Variants in ANK1 observed in about 807,000 individuals in gnomAD.
The protein encoded by ANK1 is ankyrin-1.
ANK1 carries 51 observed loss-of-function variants against 210.4 expected under a neutral mutation model. That is an observed-to-expected ratio of 0.24 (90% CI 0.19 to 0.31). The LOEUF is 0.31. Ranked by LOEUF, ANK1 falls within the 10% of genes least tolerant of loss-of-function variation. ANK1 has a pLI of 1.00. For missense variants in ANK1, 2,051 were observed against 2,504.4 expected (o/e 0.82, Z 3.86); for synonymous variants, 967 against 1,025.9 (o/e 0.94, Z 1.10).
chr8:41,826,923 C>T (rs1452819313), intron 1 of ANK1, among the ~76,000 whole-genome samples: 2 of 152,196 alleles, frequency 1.3e-5, no homozygotes, highest in East Asian at 1.9e-4. Context: ...TTCTCCATCC[C>T]GTAAAGCCTT....
chr8:41,784,239 A>G (rs10086218), intron 1 of ANK1, among the ~76,000 whole-genome samples: 10,817 of 150,952 alleles, frequency 0.072, 490 homozygotes, highest in African/African-American at 0.12. Context: ...TCTCTACCCC[A>G]CTCTCTCACC....
At chr8:41,737,536 T>C (rs1345961150) in intron 2 of ANK1, among the ~76,000 whole-genome samples, 1 of 152,184 alleles carries the variant, frequency 6.6e-6, no homozygotes, top group Non-Finnish European at 1.5e-5. Flanking sequence ...ACCCTCGCCA[T>C]GCAAGGGGCC....
intron 1 of ANK1, among the ~76,000 whole-genome samples, chr8:41,831,698 G>A (rs77983722): frequency 0.012 from 1,891 of 151,460 alleles, 22 homozygotes; most frequent in East Asian, 0.028. Context: ...AGAAAAGGAA[G>A]GAAGGAAGGA....
At chr8:41,843,459 C>T (rs989833356) in intron 1 of ANK1, among the ~76,000 whole-genome samples, 1 of 137,842 alleles carries the variant, frequency 7.3e-6, no homozygotes, top group Non-Finnish European at 1.6e-5. Context: ...TTTCTGAATG[C>T]GTGTTTAAAG....
At chr8:41,725,667 G>A in intron 6 of ANK1, 94 bp downstream of exon 6, 3 of 1,515,430 alleles carry the variant, frequency 2.0e-6, no homozygotes, top group Non-Finnish European at 2.7e-6. Context: ...TGCACGCTCG[G>A]TTCTCCTGCC....
chr8:41,880,653 G>A (rs954266121), intron 1 of ANK1, among the ~76,000 whole-genome samples: 2 of 152,232 alleles, frequency 1.3e-5, no homozygotes, highest in Non-Finnish European at 2.9e-5. Context: ...CCTGAGCTGC[G>A]CGAGGCACAC....
chr8:41,731,524 A>C (rs1372284718), intron 3 of ANK1, among the ~76,000 whole-genome samples: 1 of 151,730 alleles, frequency 6.6e-6, no homozygotes, highest in East Asian at 1.9e-4. Flanking sequence ...TGCTTTTAAA[A>C]TTTCTAAGTA....
At chr8:41,790,604 C>A (rs1226487050) in intron 1 of ANK1, among the ~76,000 whole-genome samples, 1 of 152,028 alleles carries the variant, frequency 6.6e-6, no homozygotes, top group Non-Finnish European at 1.5e-5. Context: ...TCACTCCTGG[C>A]GTTTGCCTAA....
At chr8:41,688,089 C>T in intron 35 of ANK1, 67 bp downstream of exon 35, 1 of 1,523,080 alleles carries the variant, frequency 6.6e-7, no homozygotes, top group Non-Finnish European at 9.1e-7. Flanking sequence ...TCATTCATTG[C>T]TCATTACAGG....
chr8:41,805,788 G>GA (rs369421882), intron 1 of ANK1, among the ~76,000 whole-genome samples: 3 of 152,098 alleles, frequency 2.0e-5, no homozygotes, highest in African/African-American at 7.2e-5. Flanking sequence ...TCTGGCTTAA[G>GA]AAAAAAACAG....
At chr8:41,758,242 G>T in intron 1 of ANK1, 105 bp from the exon 2 acceptor site, 1 of 1,020,610 alleles carries the variant, frequency 9.8e-7, no homozygotes, top group Non-Finnish European at 1.5e-6. Context: ...CCTCTGATGT[G>T]GCACCCTGGT....
Position 41,749,449 on chromosome 8 carries a change from C to G in ANK1, c.129+8587G>C, listed in dbSNP as rs181006038. 3.8e-3 allele frequency among the ~76,000 whole-genome samples: 572 copies of G among 151,992 alleles called. 3 individuals carry two copies. Among genetic ancestry groups the G allele is most frequent in the African/African-American group, 0.013 (526 of 41,458 alleles). On this transcript the variant is annotated intron_variant, in intron 2 of 42. Coordinates refer to ENST00000289734, the MANE Select transcript of ANK1 (RefSeq NM_000037.4). The stretch of plus-strand genomic sequence containing the variant: ...AGTAGCTAGGACTGTAGGCACCCAC[C>G]ACCATGCCCGACTAATTTTTTATTT...
intron 1 of ANK1, among the ~76,000 whole-genome samples, chr8:41,785,727 C>T (rs528293087): frequency 7.2e-5 from 11 of 152,294 alleles, no homozygotes; most frequent in Non-Finnish European, 1.6e-4. Context: ...CAGGAGTTGC[C>T]GAATTGATCT....
chr8:41,684,833 A>T (rs1817246252), intron 36 of ANK1, 143 bp from the exon 37 acceptor site: 1 of 1,046,146 alleles, frequency 9.6e-7, no homozygotes, highest in South Asian at 1.4e-5. Flanking sequence ...ATTAGAGTCA[A>T]AACAAACTTC....
chr8:41,853,665 C>T (rs181166633), intron 1 of ANK1, among the ~76,000 whole-genome samples: 2 of 152,316 alleles, frequency 1.3e-5, no homozygotes, highest in East Asian at 1.9e-4. Flanking sequence ...CTACCCCCAC[C>T]GCCTTATAAC....
In ANK1 at chr8:41,689,974, G is replaced by T. The variant is rs535051825; in HGVS notation, c.4104+253C>A. ...AGCGTGAATGTGCCCATCACCATCTGATACCAACATTTGTTCTTCCTGTCC... is the reference window on the plus strand; with the variant it reads ...AGCGTGAATGTGCCCATCACCATCTTATACCAACATTTGTTCTTCCTGTCC... On this transcript the variant is annotated intron_variant, in intron 33 of 42. Coordinates refer to ENST00000289734, the MANE Select transcript of ANK1 (RefSeq NM_000037.4). Among the ~76,000 whole-genome samples, 13 of 152,306 alleles carry T rather than the reference G, an allele frequency of 8.5e-5. No homozygotes were observed. The South Asian group carries it at 2.7e-3, about 32-fold the overall frequency.
chr8:41,749,554 C>A (rs1837148190), intron 2 of ANK1, among the ~76,000 whole-genome samples: 2 of 8,178 alleles, frequency 2.4e-4, no homozygotes, highest in African/African-American at 1.1e-3. Flanking sequence ...GCCTCGGCCT[C>A]CCAAAGTGCT....
chr8:41,683,411 G>C (rs1347967165), intron 37 of ANK1, among the ~76,000 whole-genome samples: 1 of 152,090 alleles, frequency 6.6e-6, no homozygotes, highest in African/African-American at 2.4e-5. Context: ...TCAGCGAGCA[G>C]GGTCCCCTGG....
upstream of ANK1, among the ~76,000 whole-genome samples, chr8:41,801,531 G>A (rs1431420186): frequency 6.6e-6 from 1 of 152,146 alleles, no homozygotes; most frequent in African/African-American, 2.4e-5. Flanking sequence ...ATTTGGTATT[G>A]TCAGACTTTA....
Sources: gnomAD v4.1 joint callset for allele counts (sites outside exome capture counted in the v4.1 genomes callset) on GRCh38, gnomAD v4.1.1 for gene constraint, MANE v1.5 for transcripts, NCBI Gene and HGNC (gene_info 2026-07-23, HGNC 2026-07-21) for gene names.